The following RADIL variants were observed in gnomAD, a reference collection of about 807,000 sequenced individuals.
The protein encoded by RADIL is ras-associating and dilute domain-containing protein.
Under a neutral mutation model 97.6 loss-of-function variants are expected in RADIL, and 99 were observed. The ratio of observed to expected loss-of-function variants is 1.01; its 90% CI spans 0.86 to 1.20. RADIL has a LOEUF of 1.20. Ranked by LOEUF, RADIL falls within the 50% of genes most tolerant of loss-of-function variation. The pLI, the probability that RADIL is intolerant of heterozygous loss-of-function variation, is 0.00. For synonymous variants in RADIL, 803 were observed against 691.8 expected (o/e 1.16, Z -2.52); for missense variants, 1,765 against 1,498.9 (o/e 1.18, Z -2.93).
intron 2 of RADIL, chr7:4,861,078 G>A (rs1271927015): frequency 3.1e-6 from 5 of 1,614,198 alleles, no homozygotes; most frequent in Non-Finnish European, 4.2e-6. Context: ...ACACCTCCGA[G>A]GAAACCTAAT....
At chr7:4,827,560 C>G (rs1362301829) in intron 5 of RADIL, among the ~76,000 whole-genome samples, 1 of 152,114 alleles carries the variant, frequency 6.6e-6, no homozygotes, top group African/African-American at 2.4e-5. Flanking sequence ...ACTCGGGAGG[C>G]TGAGGCAGGA....
At chr7:4,863,473 G>A (rs549792057) in intron 2 of RADIL, among the ~76,000 whole-genome samples, 2 of 152,290 alleles carry the variant, frequency 1.3e-5, no homozygotes, top group African/African-American at 4.8e-5. Context: ...GAATGCCTGT[G>A]TAGACGCTGT....
intron 2 of RADIL, among the ~76,000 whole-genome samples, chr7:4,868,165 C>T (rs1175277246): frequency 6.6e-6 from 1 of 152,100 alleles, no homozygotes; most frequent in Non-Finnish European, 1.5e-5. Flanking sequence ...CGGGTTCATG[C>T]CATTCTCCTG....
At chr7:4,839,628 A>G (rs935481672) in intron 2 of RADIL, among the ~76,000 whole-genome samples, 3 of 152,120 alleles carry the variant, frequency 2.0e-5, no homozygotes, top group African/African-American at 7.2e-5. Flanking sequence ...ATCATGTTTG[A>G]CTTATTTCAT....
At position 4,798,355 on chromosome 7, in the gene RADIL, C is replaced by T. The variant is rs1057036155; in HGVS notation, c.*1023G>A. 6 of 152,210 alleles carry T rather than the reference C, an allele frequency of 3.9e-5. No individual in the cohort carries two copies. The highest frequency in any genetic ancestry group is 1.4e-4 in the African/African-American group (6 of 41,448). The allele number at this position is 152,210 out of a possible 1,614,324, so 9.4% of individuals were successfully genotyped here. A position where few individuals can be genotyped will look rare whatever the true frequency, so the allele number is the denominator to read the frequency against. ...CCAGGACACCGATCTGGGGACCCCG[C>T]ACAGACCTCTGTCCCAGTGAGAGGT... On this transcript the variant is annotated 3_prime_UTR_variant, in exon 15 of 15. Transcript: ENST00000399583.
intron 6 of RADIL, among the ~76,000 whole-genome samples, chr7:4,820,037 G>A (rs1288821379): frequency 5.3e-5 from 8 of 152,214 alleles, no homozygotes; most frequent in East Asian, 3.9e-4. Context: ...AAAGTCAGCC[G>A]GGGACTCTCC....
Position 4,880,331 on chromosome 7 carries a change from C to T in RADIL, c.-64-2128G>A, listed in dbSNP as rs1054308530. ...TCCCCCACGGACTCATCAAAGGCCT[C>T]GGTTTCATTTACAACAAAAGCATTT... On this transcript the variant is annotated intron_variant, in intron 1 of 14. Transcript: ENST00000399583. This position sits in a 1 kb window ranked among gnomAD's most constrained non-coding sequence, Gnocchi z 4.5. Among the ~76,000 whole-genome samples, 3 of 152,172 alleles carry T rather than the reference C, an allele frequency of 2.0e-5. No homozygotes were observed. The highest frequency in any genetic ancestry group is 1.9e-4 in the East Asian group (1 of 5,192).
At chr7:4,865,063 G>A (rs1784099047) in intron 2 of RADIL, among the ~76,000 whole-genome samples, 1 of 152,100 alleles carries the variant, frequency 6.6e-6, no homozygotes. Context: ...CTCATCCCTG[G>A]ATCTTCACAC....
At chr7:4,875,276 C>A (rs1784350062) in intron 2 of RADIL, among the ~76,000 whole-genome samples, 1 of 149,092 alleles carries the variant, frequency 6.7e-6, no homozygotes, top group African/African-American at 2.6e-5. Flanking sequence ...TGCCGTAATC[C>A]CAGCTATTCA....
Position 4,824,018 on chromosome 7 carries a change from T to C in RADIL, c.1455-1464A>G, listed in dbSNP as rs1161403623. ...CATAATCGCACCTGGCGGACACAAA[T>C]AGCCGTGTGCCCCTGAGCAGTGAGC... On this transcript the variant is annotated intron_variant, in intron 5 of 14. Transcript: ENST00000399583. The surrounding 1 kb of genome is among the most constrained non-coding windows in gnomAD (Gnocchi z 6.7). Among the ~76,000 whole-genome samples the C allele has an allele frequency of 1.3e-5, 2 of 152,338 alleles. No individual in the cohort carries two copies. Among genetic ancestry groups the C allele is most frequent in the African/African-American group, 4.8e-5 (2 of 41,580 alleles).
In RADIL at chr7:4,801,696, CCT is replaced by C; in HGVS notation, c.2797_2798del (p.Arg933AlafsTer174). On this transcript the variant is annotated frameshift_variant, in exon 12 of 15. Transcript: ENST00000399583. LOFTEE classifies it high-confidence loss of function. ...GGAGGCCGCTGAGTCCGTTCCTCTG[CCT>C]CTCTGGGAGCGCTTTTCCACAGGGG... ...GGPCGKALPERQRNGLSGLRG... is the reference protein window; with the variant it reads ...GGPCGKALPEXQRNGLSGLRG... 6.2e-7 allele frequency: 1 copy of C among 1,609,282 alleles called. No homozygotes were observed. Among genetic ancestry groups the C allele is most frequent in the Non-Finnish European group, 8.5e-7 (1 of 1,178,624 alleles).
At chr7:4,816,176 C>G (rs1228120421) in intron 8 of RADIL, 52 bp downstream of exon 8, 1 of 1,535,220 alleles carries the variant, frequency 6.5e-7, no homozygotes, top group African/African-American at 1.4e-5. Context: ...CAGCAGCCGT[C>G]ATGTCCAGGA....
chr7:4,861,851 G>T, intron 2 of RADIL: 1 of 1,352,480 alleles, frequency 7.4e-7, no homozygotes, highest in Non-Finnish European at 9.7e-7. Context: ...CCCCACCACC[G>T]CGACCTTCGC....
In RADIL at chr7:4,801,514, C is replaced by T. The variant is rs992724016; in HGVS notation, c.2842+139G>A. The stretch of plus-strand genomic sequence containing the variant: ...CAGCCCTGAGCCCTCTCCATCTGGC[C>T]CCGTCTCAGGTTGCAGGTGTCTGTG... On this transcript the variant is annotated intron_variant, in intron 12 of 14. Transcript: ENST00000399583. 8.6e-6 allele frequency: 8 copies of T among 928,714 alleles called. No homozygotes were observed. The African/African-American group carries it at 1.4e-4, about 16-fold the overall frequency. The allele number at this position is 928,714 out of a possible 1,614,324, so 57.5% of individuals were successfully genotyped here. A position where few individuals can be genotyped will look rare whatever the true frequency, so the allele number is the denominator to read the frequency against.
At chr7:4,808,151 T>TTC (rs1176377448) in intron 9 of RADIL, among the ~76,000 whole-genome samples, 2 of 110,852 alleles carry the variant, frequency 1.8e-5, no homozygotes, top group Non-Finnish European at 3.6e-5. Flanking sequence ...TCCCCCGTCC[T>TTC]TCTCTCTCTC....
At chr7:4,859,037 G>A (rs975869610) in intron 2 of RADIL, 2 of 152,148 alleles carry the variant, frequency 1.3e-5, no homozygotes, top group African/African-American at 4.8e-5. Context: ...TCTCCATAGT[G>A]TGCCATCAAA....
chr7:4,878,295 G>C lies in RADIL; in HGVS notation c.-64-92C>G. ...GCGGTGACTCCTGCCCGTCATCCCA[G>C]CGCTTTAGAAGGCCAAGGTGGGAGG... On this transcript the variant is annotated intron_variant, in intron 1 of 14. Transcript: ENST00000399583. This position sits in a 1 kb window ranked among gnomAD's most constrained non-coding sequence, Gnocchi z 4.1. 1.3e-6 allele frequency: 1 copy of C among 792,012 alleles called. No homozygotes were observed. The highest frequency in any genetic ancestry group is 1.9e-6 in the Non-Finnish European group (1 of 524,504). 49.1% of individuals were successfully genotyped at this position (792,012 alleles called of 1,614,324 possible).
At position 4,837,906 on chromosome 7, in the gene RADIL, C is replaced by A. The variant is rs1452102620; in HGVS notation, c.536-1301G>T. ...TGTACGCAGCCTTTCAGGTTAAGAT[C>A]CATCCCCATCTGTGGCGGCCTTTCC... On this transcript the variant is annotated intron_variant, in intron 2 of 14. Transcript: ENST00000399583. This position sits in a 1 kb window ranked among gnomAD's most constrained non-coding sequence, Gnocchi z 5.6. 1.1e-5 allele frequency: 11 copies of A among 985,306 alleles called. No homozygotes were observed. Among genetic ancestry groups the A allele is most frequent in the African/African-American group, 1.7e-5 (1 of 57,234 alleles). 61.0% of individuals were successfully genotyped at this position (985,306 alleles called of 1,614,324 possible).
chr7:4,830,246 T>C (rs931456267), intron 5 of RADIL, among the ~76,000 whole-genome samples: 9 of 152,212 alleles, frequency 5.9e-5, no homozygotes, highest in African/African-American at 2.2e-4. Context: ...AGTCATTCCC[T>C]GCCACCAGGA....
Sources: allele counts gnomAD v4.1 joint callset (sites outside exome capture counted in the v4.1 genomes callset), GRCh38; gene constraint gnomAD v4.1.1; non-coding constraint Gnocchi (gnomAD v3.1); transcripts MANE v1.5; gene names NCBI Gene and HGNC (gene_info 2026-07-23, HGNC 2026-07-21).